The following COL21A1 variants were observed in gnomAD, a reference collection of about 807,000 sequenced individuals.
The protein encoded by COL21A1 is collagen alpha-1(XXI) chain.
A neutral mutation model predicts 137.9 loss-of-function variants in COL21A1; 149 were observed. That is an observed-to-expected ratio of 1.08 (90% CI 0.95 to 1.24). The LOEUF is 1.24. COL21A1 is among the 50% of genes most tolerant of loss of function. The pLI is 0.00. For missense variants in COL21A1, 1,167 were observed against 1,158.4 expected (o/e 1.01, Z -0.11); for synonymous variants, 456 against 391.5 (o/e 1.16, Z -1.95).
chr6:56,312,021 G>T (rs1479261723), intron 1 of COL21A1, among the ~76,000 whole-genome samples: 1 of 152,204 alleles, frequency 6.6e-6, no homozygotes, highest in Non-Finnish European at 1.5e-5. Flanking sequence ...ACAGAATTGT[G>T]TGAGCAGGGA....
intron 1 of COL21A1, among the ~76,000 whole-genome samples, chr6:56,214,398 T>A (rs561302468): frequency 1.3e-5 from 2 of 152,196 alleles, no homozygotes; most frequent in Non-Finnish European, 2.9e-5. Flanking sequence ...ATTTTTAAAT[T>A]CCTTTAATCA....
intron 23 of COL21A1, among the ~76,000 whole-genome samples, chr6:56,066,872 G>C (rs1562142356): frequency 6.6e-6 from 1 of 151,200 alleles, no homozygotes; most frequent in Non-Finnish European, 1.5e-5. Flanking sequence ...ATATTGATTT[G>C]AATATGTTTT....
intron 3 of COL21A1, among the ~76,000 whole-genome samples, chr6:56,174,904 C>T (rs964569647): frequency 2.0e-5 from 3 of 151,820 alleles, no homozygotes; most frequent in Admixed American, 6.6e-5. Context: ...GTAAATATCC[C>T]CAATAAAACA....
At chr6:56,087,738 A>T (rs1582295081) in intron 17 of COL21A1, among the ~76,000 whole-genome samples, 1 of 152,160 alleles carries the variant, frequency 6.6e-6, no homozygotes, top group East Asian at 1.9e-4. Context: ...TCCTGACTTA[A>T]ATCCTGGGGC....
intron 1 of COL21A1, among the ~76,000 whole-genome samples, chr6:56,334,751 A>G (rs2152344145): frequency 6.6e-6 from 1 of 152,240 alleles, no homozygotes; most frequent in African/African-American, 2.4e-5. Flanking sequence ...GCCTTTAATG[A>G]GTGATTAGGT....
chr6:56,218,358 T>C (rs1450760498), intron 1 of COL21A1, among the ~76,000 whole-genome samples: 1 of 152,054 alleles, frequency 6.6e-6, no homozygotes, highest in Non-Finnish European at 1.5e-5. Flanking sequence ...TATCATTGTT[T>C]TGTTCTTAGT....
intron 1 of COL21A1, among the ~76,000 whole-genome samples, chr6:56,342,844 C>G (rs889528361): frequency 6.6e-6 from 1 of 152,138 alleles, no homozygotes; most frequent in Non-Finnish European, 1.5e-5. Flanking sequence ...AACGCACCAC[C>G]CTGAAAGGTC....
intron 1 of COL21A1, among the ~76,000 whole-genome samples, chr6:56,265,986 A>G (rs1480302518): frequency 6.6e-6 from 1 of 152,238 alleles, no homozygotes; most frequent in Non-Finnish European, 1.5e-5. Flanking sequence ...AAAAAGGCCC[A>G]TGAACCCTGC....
Position 56,137,405 on chromosome 6 carries a change from A to AAAC in COL21A1, c.1542+4377_1542+4379dup, listed in dbSNP as rs575831557. On this transcript the variant is annotated intron_variant, in intron 12 of 29. Transcript: ENST00000244728. Reference sequence around the variant, plus strand: ...TTCCTCTCAGAAAAAATAAAAGCAAAAACAACAACAAAAACACAAATCCTA... The same window carrying AAAC: ...TTCCTCTCAGAAAAAATAAAAGCAAAAACAACAACAACAAAAACACAAATCCTA... Among the ~76,000 whole-genome samples the AAAC allele has an allele frequency of 2.0e-5, 3 of 152,192 alleles. No homozygotes were observed. The South Asian group carries it at 6.2e-4, about 32-fold the overall frequency.
rs1323627236 is a variant in COL21A1 at position 56,208,625 on chromosome 6, TC to T, written c.-38-25970del. The stretch of plus-strand genomic sequence containing the variant: ...AAAGTAATTTATAGATTCAATGCTA[TC>T]CCCACCAAGCTACCATTGAGTTTCT... On this transcript the variant is annotated intron_variant, in intron 1 of 29. Coordinates refer to ENST00000244728, the MANE Select transcript of COL21A1 (RefSeq NM_030820.4). Among the ~76,000 whole-genome samples the T allele has an allele frequency of 2.0e-5, 3 of 152,130 alleles. No homozygotes were observed. The East Asian group carries it at 5.8e-4, about 29-fold the overall frequency.
intron 1 of COL21A1, among the ~76,000 whole-genome samples, chr6:56,230,538 A>G (rs1294866665): frequency 6.6e-6 from 1 of 151,822 alleles, no homozygotes; most frequent in East Asian, 1.9e-4. Context: ...ATGAATTGTA[A>G]TATAATTTTT....
At chr6:56,324,603 C>T (rs1764954835) in intron 1 of COL21A1, among the ~76,000 whole-genome samples, 1 of 152,068 alleles carries the variant, frequency 6.6e-6, no homozygotes, top group Admixed American at 6.6e-5. Flanking sequence ...AGTACCCACC[C>T]TGCACACATC....
chr6:56,241,947 C>G (rs1782352665), intron 1 of COL21A1, among the ~76,000 whole-genome samples: 1 of 152,150 alleles, frequency 6.6e-6, no homozygotes, highest in South Asian at 2.1e-4. Context: ...AATAGACTCT[C>G]TGAAACAGAC....
intron 1 of COL21A1, among the ~76,000 whole-genome samples, chr6:56,203,307 A>G (rs1016139764): frequency 3.9e-5 from 6 of 152,192 alleles, no homozygotes; most frequent in African/African-American, 1.4e-4. Context: ...TAGCATATCC[A>G]AGGTTAAATA....
chr6:56,064,692 C>G, intron 23 of COL21A1, 70 bp from the exon 24 acceptor site: 4 of 922,026 alleles, frequency 4.3e-6, no homozygotes, highest in East Asian at 2.8e-5. Flanking sequence ...GCAATACAAA[C>G]TATGTATTAC....
chr6:56,241,090 A>T (rs1346113326), intron 1 of COL21A1, among the ~76,000 whole-genome samples: 4 of 152,092 alleles, frequency 2.6e-5, no homozygotes, highest in African/African-American at 9.7e-5. Context: ...AACAATTATC[A>T]TGTTGCTATG....
chr6:56,142,447 A>G (rs940265367), intron 10 of COL21A1, among the ~76,000 whole-genome samples: 7 of 152,208 alleles, frequency 4.6e-5, no homozygotes, highest in Non-Finnish European at 8.8e-5. Flanking sequence ...TACTCATTTT[A>G]GAAAGCTGCT....
At chr6:56,237,524 T>C (rs1187783962) in intron 1 of COL21A1, among the ~76,000 whole-genome samples, 2 of 152,132 alleles carry the variant, frequency 1.3e-5, no homozygotes, top group Non-Finnish European at 2.9e-5. Flanking sequence ...TCGCTTAGGC[T>C]CTTTAGGCCA....
At chr6:56,089,224 T>C (rs996221239) in intron 17 of COL21A1, among the ~76,000 whole-genome samples, 1 of 152,220 alleles carries the variant, frequency 6.6e-6, no homozygotes, top group African/African-American at 2.4e-5. Flanking sequence ...GAGGTGGCTA[T>C]GAAATTATTA....
Sources: gnomAD v4.1 joint callset for allele counts (sites outside exome capture counted in the v4.1 genomes callset) on GRCh38, gnomAD v4.1.1 for gene constraint, MANE v1.5 for transcripts, NCBI Gene and HGNC (gene_info 2026-07-23, HGNC 2026-07-21) for gene names.